SHANK2: variants seen among roughly 807,000 people sequenced by gnomAD.
The protein encoded by SHANK2 is SH3 and multiple ankyrin repeat domains protein 2.
A neutral mutation model predicts 133.7 loss-of-function variants in SHANK2; 43 were observed. That is an observed-to-expected ratio of 0.32 (90% CI 0.25 to 0.41). The LOEUF (loss-of-function observed/expected upper bound fraction) is 0.41. Ranked by LOEUF, SHANK2 falls within the 10% of genes least tolerant of loss-of-function variation. The pLI, the probability that SHANK2 is intolerant of heterozygous loss-of-function variation, is 1.00. For missense variants in SHANK2, 1,994 were observed against 2,235.8 expected (o/e 0.89, Z 2.18); for synonymous variants, 1,017 against 952.8 (o/e 1.07, Z -1.24).
chr11:70,655,930 G>A (rs1393234612), intron 17 of SHANK2, among the ~76,000 whole-genome samples: 2 of 152,146 alleles, frequency 1.3e-5, no homozygotes, highest in African/African-American at 4.8e-5. Context: ...GGGCGTGTGG[G>A]CTGGAGACGA....
intron 14 of SHANK2, among the ~76,000 whole-genome samples, chr11:70,728,170 G>A (rs1202101784): frequency 6.6e-6 from 1 of 152,134 alleles, no homozygotes; most frequent in Non-Finnish European, 1.5e-5. Context: ...GGGTTAAACC[G>A]ACTCCCAAAG....
intron 9 of SHANK2, among the ~76,000 whole-genome samples, chr11:71,073,148 T>TTTTTTTTTTTTTTTTTTTTG (rs1951168105): frequency 3.0e-5 from 1 of 33,874 alleles, no homozygotes; most frequent in Non-Finnish European, 1.3e-4. Context: ...TTTTCTTTTC[T>TTTTTTTTTTTTTTTTTTTTG]TTTTTTTCTT....
At chr11:71,137,476 C>T (rs185453744) in intron 3 of SHANK2, among the ~76,000 whole-genome samples, 1 of 152,062 alleles carries the variant, frequency 6.6e-6, no homozygotes. Flanking sequence ...GCCCAGCCCC[C>T]CCAAAGGAGG....
chr11:71,135,272 G>A (rs550018975), intron 3 of SHANK2, among the ~76,000 whole-genome samples: 54 of 152,242 alleles, frequency 3.5e-4, no homozygotes, highest in African/African-American at 1.1e-3. Flanking sequence ...CGGTTGTACC[G>A]GCTGATGGGG....
intron 8 of SHANK2, among the ~76,000 whole-genome samples, chr11:71,088,420 G>A (rs944406060): frequency 4.6e-5 from 7 of 152,142 alleles, no homozygotes; most frequent in Admixed American, 2.0e-4. Flanking sequence ...GTCATCCAGC[G>A]ACATCAAATG....
chr11:70,766,165 C>T (rs573031169), intron 14 of SHANK2, among the ~76,000 whole-genome samples: 177 of 152,360 alleles, frequency 1.2e-3, no homozygotes, highest in African/African-American at 3.9e-3. Context: ...TCTATTGGAA[C>T]GCAGATACAA....
At chr11:70,731,835 G>A (rs1247187456) in intron 14 of SHANK2, among the ~76,000 whole-genome samples, 2 of 152,174 alleles carry the variant, frequency 1.3e-5, no homozygotes, top group East Asian at 3.9e-4. Flanking sequence ...TCCACGCTGC[G>A]AGGTGGAACG....
chr11:70,515,539 T>C (rs2059252723), intron 17 of SHANK2, among the ~76,000 whole-genome samples: 1 of 150,344 alleles, frequency 6.7e-6, no homozygotes. Flanking sequence ...CGGTGGCTCA[T>C]GTCTATAATC....
intron 22 of SHANK2, among the ~76,000 whole-genome samples, chr11:70,492,058 G>A (rs2058893810): frequency 6.6e-6 from 1 of 152,192 alleles, no homozygotes; most frequent in Admixed American, 6.5e-5. Flanking sequence ...ACTTCCATGT[G>A]CTCACGGGTC....
intron 3 of SHANK2, among the ~76,000 whole-genome samples, chr11:71,136,373 T>C (rs1359866667): frequency 1.3e-5 from 2 of 152,162 alleles, no homozygotes; most frequent in Non-Finnish European, 2.9e-5. Flanking sequence ...TTATCTTACA[T>C]GAAAGGACTT....
chr11:70,764,678 C>T, intron 14 of SHANK2, among the ~76,000 whole-genome samples: 1 of 151,646 alleles, frequency 6.6e-6, no homozygotes, highest in Non-Finnish European at 1.5e-5. Flanking sequence ...TCCACACGTG[C>T]ATCTATCCAT....
rs532571097 is a variant in SHANK2 at position 70,567,410 on chromosome 11, C to T, written c.2062-64479G>A. 4.4e-3 allele frequency among the ~76,000 whole-genome samples: 668 copies of T among 152,086 alleles called. 4 individuals are homozygous for T. Among genetic ancestry groups the T allele is most frequent in the African/African-American group, 0.016 (650 of 41,482 alleles). ...TTGGGAGGCCGAGGTGGGTGGATCACGAGGTCAGGAGTTTGAGACCAGCCT... is the reference window on the plus strand; with the variant it reads ...TTGGGAGGCCGAGGTGGGTGGATCATGAGGTCAGGAGTTTGAGACCAGCCT... On this transcript the variant is annotated intron_variant, in intron 17 of 25. Coordinates refer to ENST00000601538, the MANE Select transcript of SHANK2 (RefSeq NM_012309.5).
At chr11:71,183,333 TC>T (rs1421361236) in intron 2 of SHANK2, among the ~76,000 whole-genome samples, 2 of 152,010 alleles carry the variant, frequency 1.3e-5, no homozygotes, top group African/African-American at 4.8e-5. Flanking sequence ...TGAAACTCAC[TC>T]TCCCCCGGGT....
intron 2 of SHANK2, among the ~76,000 whole-genome samples, chr11:71,214,008 G>C (rs1435269738): frequency 6.6e-6 from 1 of 151,848 alleles, no homozygotes. Context: ...CTGCCCTAAC[G>C]CGCCCCAGGA....
Position 71,147,161 on chromosome 11 carries a change from T to C in SHANK2, c.166A>G (p.Thr56Ala). 6.5e-7 allele frequency: 1 copy of C among 1,550,322 alleles called. No individual in the cohort carries two copies. The highest frequency in any genetic ancestry group is 8.7e-7 in the Non-Finnish European group (1 of 1,146,930). ...GARTEESQGN[T>A]LVIRVVIHDL... ...TGGATGACCACGCGGATCACCAGCG[T>C]GTTGCCCTGGCTCTCCTCCGTCCTG... The change falls in exon 3 of 26, where the codon ACG becomes GCG. Residue 56 changes from threonine (T) to alanine (A), a missense_variant. Transcript: ENST00000601538.
chr11:70,474,955 C>T (rs2058644195), intron 25 of SHANK2: 1 of 152,496 alleles, frequency 6.6e-6, no homozygotes, highest in African/African-American at 2.4e-5. Flanking sequence ...ACTGGTGTGA[C>T]ATCGTGACCG....
chr11:71,126,812 C>T (rs567908416), intron 3 of SHANK2, among the ~76,000 whole-genome samples: 14 of 151,200 alleles, frequency 9.3e-5, no homozygotes, highest in East Asian at 3.9e-4. Flanking sequence ...CCACAACCTC[C>T]GCCTCCCACC....
At chr11:70,482,619 G>A (rs185328398) in intron 25 of SHANK2, among the ~76,000 whole-genome samples, 1 of 152,362 alleles carries the variant, frequency 6.6e-6, no homozygotes, top group African/African-American at 2.4e-5. Flanking sequence ...CCTGGCTCAG[G>A]GGTGCCGTGG....
At chr11:70,907,277 C>A (rs781992324) in intron 10 of SHANK2, among the ~76,000 whole-genome samples, 1 of 150,438 alleles carries the variant, frequency 6.6e-6, no homozygotes, top group Non-Finnish European at 1.5e-5. Flanking sequence ...ATGAAACAGC[C>A]CCTCAGTCCC....
Sources: allele counts gnomAD v4.1 joint callset (sites outside exome capture counted in the v4.1 genomes callset), GRCh38; gene constraint gnomAD v4.1.1; transcripts MANE v1.5; gene names NCBI Gene and HGNC (gene_info 2026-07-23, HGNC 2026-07-21).